Variants in GCNT1 observed in about 807,000 individuals in gnomAD.
The protein encoded by GCNT1 is beta-1,3-galactosyl-O-glycosyl-glycoprotein beta-1,6-N-acetylglucosaminyltransferase.
Under a neutral mutation model 26.2 loss-of-function variants are expected in GCNT1, and 16 were observed. The observed-to-expected ratio is 0.61, with a 90% CI of 0.41 to 0.93. The LOEUF (loss-of-function observed/expected upper bound fraction) is 0.93. Ranked by LOEUF, GCNT1 falls within the 40% of genes least tolerant of loss-of-function variation. GCNT1 has a pLI of 0.00. For missense variants in GCNT1, 477 were observed against 526.7 expected (o/e 0.91, Z 0.92); for synonymous variants, 183 against 190.8 (o/e 0.96, Z 0.34).
the GCNT1 span, among the ~76,000 whole-genome samples, chr9:76,401,128 C>T: frequency 6.6e-6 from 1 of 152,230 alleles, no homozygotes; most frequent in Non-Finnish European, 1.5e-5. Context: ...TTCATTATAA[C>T]TGGACTACAG....
At chr9:76,477,591 A>G (rs1824283409) in intron 2 of GCNT1, among the ~76,000 whole-genome samples, 2 of 152,068 alleles carry the variant, frequency 1.3e-5, no homozygotes, top group South Asian at 2.1e-4. Context: ...CTGAAGGTGC[A>G]TCTAGTCACG....
chr9:76,440,082 G>A (rs1823463659), upstream of GCNT1, among the ~76,000 whole-genome samples: 1 of 148,442 alleles, frequency 6.7e-6, no homozygotes, highest in Admixed American at 6.8e-5. Context: ...GCCTGGGCAA[G>A]AGCGAAATTC....
intron 2 of GCNT1, among the ~76,000 whole-genome samples, chr9:76,478,307 C>T (rs1199575751): frequency 6.6e-6 from 1 of 152,162 alleles, no homozygotes; most frequent in Admixed American, 6.5e-5. Context: ...GTCAGAGAGA[C>T]TATGAACCCA....
At chr9:76,499,252 C>G (rs979246397) in intron 2 of GCNT1, among the ~76,000 whole-genome samples, 1 of 152,062 alleles carries the variant, frequency 6.6e-6, no homozygotes, top group Admixed American at 6.6e-5. Flanking sequence ...CTCTGCCTCT[C>G]AATTAGCTGG....
At chr9:76,500,426 G>A (rs1825033059) in intron 2 of GCNT1, among the ~76,000 whole-genome samples, 1 of 152,152 alleles carries the variant, frequency 6.6e-6, no homozygotes, top group South Asian at 2.1e-4. Flanking sequence ...TATTTTAGTG[G>A]TTGAAATTCT....
chr9:76,415,870 A>G (rs973879158), upstream of GCNT1, among the ~76,000 whole-genome samples: 2 of 152,168 alleles, frequency 1.3e-5, no homozygotes, highest in African/African-American at 4.8e-5. Context: ...CCCACAAATC[A>G]TTATTCAATG....
At chr9:76,421,223 G>T (rs1235562179) in intron 1 of GCNT1, among the ~76,000 whole-genome samples, 1 of 152,166 alleles carries the variant, frequency 6.6e-6, no homozygotes, top group Non-Finnish European at 1.5e-5. Flanking sequence ...TATTAAACAA[G>T]TGTCAGCAAT....
rs1823628731 is a variant in GCNT1 at position 76,449,395 on chromosome 9, G to A, written c.-290+7080G>A. 2.0e-5 allele frequency among the ~76,000 whole-genome samples: 3 copies of A among 152,108 alleles called. No individual in the cohort carries two copies. The South Asian group carries it at 6.2e-4, about 32-fold the overall frequency. ...CTCAAAACATGCCATATTGGCATAA[G>A]GATTATTTTGAGCTAAAGGCAACTG... On this transcript the variant is annotated intron_variant, in intron 1 of 2. Coordinates refer to the GCNT1 transcript ENST00000442371.
At chr9:76,395,719 T>C in the GCNT1 span, among the ~76,000 whole-genome samples, 1 of 152,224 alleles carries the variant, frequency 6.6e-6, no homozygotes, top group African/African-American at 2.4e-5. Context: ...GTTACTTATC[T>C]ATACGGAATT....
At chr9:76,482,978 T>C (rs1824461722) in intron 2 of GCNT1, among the ~76,000 whole-genome samples, 1 of 151,954 alleles carries the variant, frequency 6.6e-6, no homozygotes, top group Non-Finnish European at 1.5e-5. Context: ...ATCTTTAATC[T>C]AGTATATCAA....
intron 2 of GCNT1, among the ~76,000 whole-genome samples, chr9:76,488,119 G>C (rs913451383): frequency 6.6e-6 from 1 of 152,114 alleles, no homozygotes; most frequent in South Asian, 2.1e-4. Flanking sequence ...ATGTGGCTTA[G>C]TTTCCCCCCT....
Position 76,506,724 on chromosome 9 carries a change from T to C in GCNT1, c.*3056T>C, listed in dbSNP as rs562901548. Reference sequence around the variant, plus strand: ...GATCTCAGTAAACAGCCACTCAGCCTTGAAAATGGAGTGTTGTTGTTTCTA... The same window carrying C: ...GATCTCAGTAAACAGCCACTCAGCCCTGAAAATGGAGTGTTGTTGTTTCTA... On this transcript the variant is annotated 3_prime_UTR_variant, in exon 4 of 4. Transcript: ENST00000376730. The C allele has an allele frequency of 1.2e-5, 2 of 167,168 alleles. No individual in the cohort carries two copies. Among genetic ancestry groups the C allele is most frequent in the East Asian group, 3.9e-4 (2 of 5,162 alleles). The allele number at this position is 167,168 out of a possible 1,614,324, so 10.4% of individuals were successfully genotyped here. A position where few individuals can be genotyped will look rare whatever the true frequency, so the allele number is the denominator to read the frequency against.
rs11144921 is a variant in GCNT1 at position 76,472,146 on chromosome 9, G to A, written c.-290+11969G>A. On this transcript the variant is annotated intron_variant, in intron 2 of 3. Coordinates refer to ENST00000376730, the MANE Select transcript of GCNT1 (RefSeq NM_001490.5). Reference sequence around the variant, plus strand: ...AAAAAAAATAGCCAGGTGTGGTGGCGTTCGCCTGTAATCCCAGCTACTCAG... The same window carrying A: ...AAAAAAAATAGCCAGGTGTGGTGGCATTCGCCTGTAATCCCAGCTACTCAG... Among the ~76,000 whole-genome samples the A allele has an allele frequency of 4.5e-3, 692 of 152,212 alleles. 3 individuals are homozygous for A. The highest frequency in any genetic ancestry group is 6.5e-3 in the Non-Finnish European group (440 of 67,996).
intron 1 of GCNT1, among the ~76,000 whole-genome samples, chr9:76,423,856 TG>T (rs552734898): frequency 6.2e-4 from 95 of 152,350 alleles, no homozygotes; most frequent in African/African-American, 2.3e-3. Context: ...TTTTTGTTGT[TG>T]GTGTTTCTAA....
chr9:76,431,486 G>A (rs563458234), intron 1 of GCNT1, among the ~76,000 whole-genome samples: 1 of 152,150 alleles, frequency 6.6e-6, no homozygotes, highest in Admixed American at 6.5e-5. Flanking sequence ...AGAACACAGA[G>A]CTTTCTTGCT....
intron 1 of GCNT1, among the ~76,000 whole-genome samples, chr9:76,428,754 G>T (rs1476525998): frequency 6.8e-6 from 1 of 148,114 alleles, no homozygotes; most frequent in Non-Finnish European, 1.5e-5. Flanking sequence ...AGGCTGGAGT[G>T]CAATGGCATG....
intron 1 of GCNT1, among the ~76,000 whole-genome samples, chr9:76,452,688 C>G (rs1355948081): frequency 1.3e-5 from 2 of 152,088 alleles, no homozygotes; most frequent in South Asian, 2.1e-4. Flanking sequence ...AGGGATGGTG[C>G]TAAACCATTA....
At chr9:76,446,685 T>C (rs1278269616) in intron 1 of GCNT1, among the ~76,000 whole-genome samples, 1 of 152,168 alleles carries the variant, frequency 6.6e-6, no homozygotes, top group Admixed American at 6.5e-5. Flanking sequence ...TATTTGAATA[T>C]CATGGCATAG....
chr9:76,421,449 C>G (rs539480500), intron 1 of GCNT1, among the ~76,000 whole-genome samples: 2 of 151,576 alleles, frequency 1.3e-5, no homozygotes, highest in Admixed American at 1.3e-4. Flanking sequence ...AAAAAAAATA[C>G]AAAAATTAGC....
Sources: allele counts gnomAD v4.1 joint callset (sites outside exome capture counted in the v4.1 genomes callset), GRCh38; gene constraint gnomAD v4.1.1; transcripts MANE v1.5; gene names NCBI Gene and HGNC (gene_info 2026-07-23, HGNC 2026-07-21).